Variants in GPHN observed in about 807,000 individuals in gnomAD.
GPHN encodes gephyrin.
In GPHN, 17 loss-of-function variants were observed where a neutral mutation model predicts 95.5. The ratio of observed to expected loss-of-function variants is 0.18; its 90% CI spans 0.12 to 0.27. GPHN has a LOEUF of 0.27. GPHN is among the 10% of genes least tolerant of loss of function. The pLI is 1.00. For synonymous variants in GPHN, 320 were observed against 322.5 expected (o/e 0.99, Z 0.08); for missense variants, 660 against 978.1 (o/e 0.67, Z 4.34).
intron 1 of GPHN, among the ~76,000 whole-genome samples, chr14:66,626,330 A>G (rs2153327308): frequency 6.6e-6 from 1 of 152,234 alleles, no homozygotes; most frequent in South Asian, 2.1e-4. Context: ...ATGTTTCTCC[A>G]AATTTTGATG....
intron 4 of GPHN, among the ~76,000 whole-genome samples, chr14:66,859,560 G>GA (rs1301378447): frequency 6.6e-6 from 1 of 152,146 alleles, no homozygotes; most frequent in African/African-American, 2.4e-5. Context: ...TTCAATGCCA[G>GA]AAACACTGAC....
chr14:67,680,971 T>C, the GPHN span, among the ~76,000 whole-genome samples: 1 of 152,214 alleles, frequency 6.6e-6, no homozygotes, highest in Non-Finnish European at 1.5e-5. Context: ...CTTATATTTA[T>C]GGTCAATTGA....
At chr14:67,598,374 A>C in the GPHN span, among the ~76,000 whole-genome samples, 2 of 152,132 alleles carry the variant, frequency 1.3e-5, no homozygotes, top group Non-Finnish European at 2.9e-5. Context: ...TTTGCCTAAG[A>C]TCAGCTATAC....
chr14:67,257,801 C>T, the GPHN span, among the ~76,000 whole-genome samples: 1 of 152,110 alleles, frequency 6.6e-6, no homozygotes, highest in Non-Finnish European at 1.5e-5. Context: ...AATTGTTCTT[C>T]ATAGTAGGTT....
chr14:66,932,242 C>A (rs1200870770), intron 8 of GPHN, among the ~76,000 whole-genome samples: 1 of 152,006 alleles, frequency 6.6e-6, no homozygotes, highest in Non-Finnish European at 1.5e-5. Flanking sequence ...CCTCTTCATG[C>A]TGAACTGCCT....
chr14:67,018,137 A>G (rs889825897), intron 9 of GPHN, among the ~76,000 whole-genome samples: 8 of 152,144 alleles, frequency 5.3e-5, no homozygotes, highest in Admixed American at 2.0e-4. Context: ...ATAAACTTCT[A>G]TAAGTCCTAT....
chr14:66,556,012 A>T (rs2059994096), intron 1 of GPHN, among the ~76,000 whole-genome samples: 2 of 152,178 alleles, frequency 1.3e-5, no homozygotes, highest in Non-Finnish European at 2.9e-5. Flanking sequence ...GCTATATGTT[A>T]TAGCCTATTG....
At chr14:67,725,288 A>T in the GPHN span, 1 of 1,610,696 alleles carries the variant, frequency 6.2e-7, no homozygotes, top group Non-Finnish European at 8.5e-7. Flanking sequence ...AAAAGCAGGA[A>T]ATTGGGTATG....
At chr14:67,662,330 A>G in the GPHN span, 8 of 710,070 alleles carry the variant, frequency 1.1e-5, no homozygotes, top group Non-Finnish European at 1.9e-5. Context: ...CTCAACAACC[A>G]TCCCCATCAA....
At chr14:67,667,055 C>A in the GPHN span, among the ~76,000 whole-genome samples, 6 of 152,322 alleles carry the variant, frequency 3.9e-5, no homozygotes, top group East Asian at 1.2e-3. Flanking sequence ...CCCCACCCCA[C>A]AAGCCTGCCC....
chr14:66,861,614 A>C (rs2063027607), intron 4 of GPHN, among the ~76,000 whole-genome samples: 2 of 152,134 alleles, frequency 1.3e-5, no homozygotes, highest in South Asian at 4.1e-4. Context: ...CAAGCCTCAA[A>C]ACATTCAAAA....
At chr14:67,151,277 T>G (rs1412949610) in intron 18 of GPHN, among the ~76,000 whole-genome samples, 3 of 152,334 alleles carry the variant, frequency 2.0e-5, no homozygotes, top group Admixed American at 2.0e-4. Flanking sequence ...ATCAGTCCAC[T>G]CATAAAGAGC....
chr14:67,548,251 T>G, the GPHN span, among the ~76,000 whole-genome samples: 4 of 152,238 alleles, frequency 2.6e-5, no homozygotes, highest in African/African-American at 9.6e-5. Flanking sequence ...TCAGTTATCC[T>G]ATCAGAAAAG....
the GPHN span, chr14:67,199,637 C>T: frequency 3.0e-5 from 48 of 1,576,492 alleles, no homozygotes; most frequent in Admixed American, 2.3e-4. Context: ...AGCAGCTGGA[C>T]GACTTCTGGC....
the GPHN span, among the ~76,000 whole-genome samples, chr14:67,390,249 C>G: frequency 6.6e-6 from 1 of 151,998 alleles, no homozygotes; most frequent in Admixed American, 6.5e-5. Context: ...AGAAACTTTT[C>G]AAAACATAGG....
the GPHN span, among the ~76,000 whole-genome samples, chr14:67,355,449 C>CAAAAAAAAAAAA: frequency 3.2e-4 from 6 of 18,960 alleles, no homozygotes; most frequent in East Asian, 1.7e-3. Context: ...GACCCTGTCT[C>CAAAAAAAAAAAA]AAAAAAAAAA....
At chr14:67,145,738 G>A (rs568443904) in intron 18 of GPHN, among the ~76,000 whole-genome samples, 2 of 152,300 alleles carry the variant, frequency 1.3e-5, no homozygotes, top group African/African-American at 4.8e-5. Flanking sequence ...CAGCCCAGGA[G>A]CTAAGCCTGA....
chr14:67,180,794 T>G lies in GPHN; in HGVS notation c.2177-10T>G. The G allele has an allele frequency of 6.2e-7, 1 of 1,613,054 alleles. No homozygotes were observed. Among genetic ancestry groups the G allele is most frequent in the Non-Finnish European group, 8.5e-7 (1 of 1,179,408 alleles). On this transcript the variant is annotated splice_polypyrimidine_tract_variant and intron_variant, in intron 22 of 22. Transcript: ENST00000478722. The stretch of plus-strand genomic sequence containing the variant: ...GCTTATGCTGCTGTAATAAGAGTAT[T>G]TCTTTCTAGGTAATCAAATGAGCAG...
the GPHN span, among the ~76,000 whole-genome samples, chr14:67,323,069 C>G: frequency 6.6e-6 from 1 of 152,040 alleles, no homozygotes; most frequent in Non-Finnish European, 1.5e-5. Flanking sequence ...TTATTGTAAT[C>G]TGTATGTGAT....
Sources: gnomAD v4.1 joint callset for allele counts (sites outside exome capture counted in the v4.1 genomes callset) on GRCh38, gnomAD v4.1.1 for gene constraint, MANE v1.5 for transcripts, NCBI Gene and HGNC (gene_info 2026-07-23, HGNC 2026-07-21) for gene names.